The following GRIA1 variants were observed in gnomAD, a reference collection of about 807,000 sequenced individuals.
The protein encoded by GRIA1 is glutamate receptor 1.
A neutral mutation model predicts 99.2 loss-of-function variants in GRIA1; 31 were observed. The observed-to-expected ratio is 0.31, with a 90% CI of 0.23 to 0.42. GRIA1 has a LOEUF of 0.42. Ranked by LOEUF, GRIA1 falls within the 10% of genes least tolerant of loss-of-function variation. The probability of loss-of-function intolerance (pLI) is 1.00; values close to 1 mark genes in which losing one functional copy is unlikely to be tolerated. For missense variants in GRIA1, 782 were observed against 1,157.5 expected (o/e 0.68, Z 4.71); for synonymous variants, 438 against 432.4 (o/e 1.01, Z -0.16).
At chr5:153,744,847 A>G (rs1285982469) in intron 11 of GRIA1, among the ~76,000 whole-genome samples, 1 of 152,230 alleles carries the variant, frequency 6.6e-6, no homozygotes, top group Non-Finnish European at 1.5e-5. Context: ...CTAACAATGA[A>G]TAGGAGGAAA....
intron 11 of GRIA1, among the ~76,000 whole-genome samples, chr5:153,729,236 G>C (rs990419022): frequency 6.6e-6 from 1 of 151,420 alleles, no homozygotes; most frequent in Non-Finnish European, 1.5e-5. Context: ...GACTGTTGTG[G>C]GGTAGGGAGA....
intron 2 of GRIA1, among the ~76,000 whole-genome samples, chr5:153,534,172 C>CT (rs759706564): frequency 3.3e-5 from 5 of 152,178 alleles, no homozygotes; most frequent in Non-Finnish European, 7.3e-5. Context: ...GAAAACACTC[C>CT]TTTTTTCTTT....
At chr5:153,672,599 C>A (rs1185265890) in intron 5 of GRIA1, among the ~76,000 whole-genome samples, 1 of 143,438 alleles carries the variant, frequency 7.0e-6, no homozygotes, top group Non-Finnish European at 1.5e-5. Flanking sequence ...AATCGCAGAA[C>A]TTTAGAGGCA....
chr5:153,679,914 G>T (rs532540755), intron 7 of GRIA1, among the ~76,000 whole-genome samples: 1 of 152,148 alleles, frequency 6.6e-6, no homozygotes, highest in Non-Finnish European at 1.5e-5. Context: ...TGTGTTAAAG[G>T]CTTAGTATAC....
chr5:153,783,362 C>A (rs779605501), intron 13 of GRIA1, among the ~76,000 whole-genome samples: 1 of 152,202 alleles, frequency 6.6e-6, no homozygotes, highest in Non-Finnish European at 1.5e-5. Context: ...TGACACAGAC[C>A]TGTGTGCCTG....
In GRIA1 at chr5:153,733,880, T is replaced by C. The variant is rs6884414; in HGVS notation, c.1823+27813T>C. 8.7e-3 allele frequency among the ~76,000 whole-genome samples: 1,321 copies of C among 152,280 alleles called. 7 individuals are homozygous for C. The highest frequency in any genetic ancestry group is 0.014 in the Middle Eastern group (4 of 294). On this transcript the variant is annotated intron_variant, in intron 11 of 15. Transcript: ENST00000285900. ...TATACAAAGCAAATATTAATAGGTC[T>C]AAAGGAAGAAATAGCAATATAACAA...
At position 153,698,066 on chromosome 5, in the gene GRIA1, A is replaced by T. The variant is rs1292697012; in HGVS notation, c.1157A>T (p.Asp386Val). Reference protein sequence around the residue: ...IRKIGYWNEDDKFVPAATDAQ... With the variant: ...IRKIGYWNEDVKFVPAATDAQ... ...CAGATTGGTTACTGGAATGAAGATG[A>T]TAAGTTTGTCCCTGCAGCCACCGAT... Residue 386 changes from aspartate to valine, a missense_variant, in exon 9 of 16, where the codon GAT becomes GTT. Physicochemically the swap from Asp to Val is radical, Grantham distance 152 (BLOSUM62 -3). Coordinates refer to ENST00000285900, the MANE Select transcript of GRIA1 (RefSeq NM_000827.4). The T allele has an allele frequency of 1.2e-6, 2 of 1,605,866 alleles. No homozygotes were observed. Among genetic ancestry groups the T allele is most frequent in the East Asian group, 4.5e-5 (2 of 44,812 alleles).
chr5:153,673,928 G>C (rs1756382233), intron 5 of GRIA1, among the ~76,000 whole-genome samples: 1 of 152,212 alleles, frequency 6.6e-6, no homozygotes, highest in Non-Finnish European at 1.5e-5. Context: ...AGCACAGGGT[G>C]AGGATGGAGA....
At chr5:153,576,344 G>A (rs904526412) in intron 2 of GRIA1, among the ~76,000 whole-genome samples, 6 of 152,208 alleles carry the variant, frequency 3.9e-5, no homozygotes, top group African/African-American at 1.4e-4. Context: ...AAGCCTTGAA[G>A]AATAGGATGT....
Position 153,764,706 on chromosome 5 carries a change from A to T in GRIA1, c.2022+74A>T, listed in dbSNP as rs944295420. 1.5e-5 allele frequency: 16 copies of T among 1,074,334 alleles called. No homozygotes were observed. The Admixed American group carries it at 2.1e-4, about 14-fold the overall frequency. 66.6% of individuals were successfully genotyped at this position (1,074,334 alleles called of 1,614,324 possible). A position where few individuals can be genotyped will look rare whatever the true frequency, so the allele number is the denominator to read the frequency against. ...CTGTCATTAAAATGTCCTTCTCATT[A>T]TATAGCCTGAGATAACAGGCAGCCA... On this transcript the variant is annotated intron_variant, in intron 12 of 15. Transcript: ENST00000285900.
intron 11 of GRIA1, among the ~76,000 whole-genome samples, chr5:153,741,934 T>TAAAA (rs34742536): frequency 5.5e-5 from 8 of 144,924 alleles, no homozygotes; most frequent in African/African-American, 1.3e-4. Context: ...AAGCTTTTTT[T>TAAAA]AAAAAAAAAA....
intron 11 of GRIA1, among the ~76,000 whole-genome samples, chr5:153,716,006 A>G (rs1285698653): frequency 6.6e-6 from 1 of 152,248 alleles, no homozygotes; most frequent in Admixed American, 6.5e-5. Flanking sequence ...AGATAAAGAA[A>G]TAAAAGGAAC....
At chr5:153,802,013 T>C (rs901588623) in intron 14 of GRIA1, among the ~76,000 whole-genome samples, 10 of 151,338 alleles carry the variant, frequency 6.6e-5, no homozygotes, top group Non-Finnish European at 1.5e-4. Context: ...TTTGAAAGAA[T>C]GGGCTAAGCT....
intron 13 of GRIA1, among the ~76,000 whole-genome samples, chr5:153,778,864 T>C (rs1441055541): frequency 1.3e-5 from 2 of 152,156 alleles, no homozygotes; most frequent in African/African-American, 4.8e-5. Context: ...AAGGAACCTC[T>C]CCAGGATCAG....
intron 1 of GRIA1, 138 bp downstream of exon 1, chr5:153,491,108 A>G: frequency 9.7e-7 from 1 of 1,036,094 alleles, no homozygotes; most frequent in Non-Finnish European, 1.5e-6. Context: ...AACAGAAGGG[A>G]GACTTGGGCT....
intron 2 of GRIA1, among the ~76,000 whole-genome samples, chr5:153,569,300 A>G (rs1243297981): frequency 2.0e-5 from 3 of 152,234 alleles, no homozygotes; most frequent in Non-Finnish European, 2.9e-5. Context: ...CTAAGGGTCT[A>G]TGCTACAGTT....
At chr5:153,790,135 G>A (rs1765206817) in intron 13 of GRIA1, among the ~76,000 whole-genome samples, 1 of 152,140 alleles carries the variant, frequency 6.6e-6, no homozygotes, top group Non-Finnish European at 1.5e-5. Flanking sequence ...GGTCCCTGAT[G>A]GCAAGTGGAA....
intron 2 of GRIA1, among the ~76,000 whole-genome samples, chr5:153,575,132 G>T (rs1379628557): frequency 1.3e-5 from 2 of 151,818 alleles, no homozygotes; most frequent in Non-Finnish European, 2.9e-5. Context: ...TCCTGCAATG[G>T]TCTCTTGGTC....
chr5:153,562,070 CTTTGAGAACCAAGTTCA>C (rs1385367690), intron 2 of GRIA1, among the ~76,000 whole-genome samples: 6 of 150,244 alleles, frequency 4.0e-5, no homozygotes, highest in Non-Finnish European at 7.4e-5. Context: ...GGGGGTAAGA[CTTTGAGAACCAAGTTCA>C]TTTGAGAACC....
Sources: allele counts gnomAD v4.1 joint callset (sites outside exome capture counted in the v4.1 genomes callset), GRCh38; gene constraint gnomAD v4.1.1; transcripts MANE v1.5; gene names NCBI Gene and HGNC (gene_info 2026-07-23, HGNC 2026-07-21).